Variants in ATP11B observed in about 807,000 individuals in gnomAD.
The protein encoded by ATP11B is phospholipid-transporting ATPase IF.
In ATP11B, 81 loss-of-function variants were observed where a neutral mutation model predicts 157.8. The ratio of observed to expected loss-of-function variants is 0.51; its 90% CI spans 0.43 to 0.62. ATP11B has a LOEUF of 0.62. ATP11B is among the 20% of genes least tolerant of loss of function. The pLI is 0.00. For synonymous variants in ATP11B, 451 were observed against 469.4 expected (o/e 0.96, Z 0.51); for missense variants, 1,165 against 1,402.2 (o/e 0.83, Z 2.70).
At chr3:182,851,811 A>G (rs1384000695) in intron 10 of ATP11B, among the ~76,000 whole-genome samples, 1 of 152,242 alleles carries the variant, frequency 6.6e-6, no homozygotes, top group Admixed American at 6.5e-5. Context: ...CAAAAATTAC[A>G]TGAGATATAA....
chr3:182,816,120 C>T (rs1355674080), intron 1 of ATP11B, among the ~76,000 whole-genome samples: 1 of 151,678 alleles, frequency 6.6e-6, no homozygotes, highest in Non-Finnish European at 1.5e-5. Flanking sequence ...GTACCTATGG[C>T]TTTAACATAT....
At chr3:182,814,912 T>C (rs538154004) in intron 1 of ATP11B, among the ~76,000 whole-genome samples, 3 of 151,810 alleles carry the variant, frequency 2.0e-5, no homozygotes, top group African/African-American at 7.3e-5. Flanking sequence ...TTGGTGGGAG[T>C]AGTACATAAC....
intron 28 of ATP11B, among the ~76,000 whole-genome samples, chr3:182,905,554 C>G (rs1724284934): frequency 6.6e-6 from 1 of 152,156 alleles, no homozygotes; most frequent in Non-Finnish European, 1.5e-5. Flanking sequence ...TTTAACTTAG[C>G]TGTAATATAT....
In ATP11B at chr3:182,918,319, A is replaced by T. The variant is rs1302155142; in HGVS notation, c.*215A>T. On this transcript the variant is annotated 3_prime_UTR_variant, in exon 30 of 30. Coordinates refer to ENST00000323116, the MANE Select transcript of ATP11B (RefSeq NM_014616.3). Reference sequence around the variant, plus strand: ...GAATCTGAACATGTTAAAATTTGAGAATAAAGAGACATTTTTCATCTCTTT... The same window carrying T: ...GAATCTGAACATGTTAAAATTTGAGTATAAAGAGACATTTTTCATCTCTTT... 1.8e-6 allele frequency: 1 copy of T among 558,110 alleles called. No homozygotes were observed. The highest frequency in any genetic ancestry group is 4.0e-5 in the Admixed American group (1 of 25,218). The allele number at this position is 558,110 out of a possible 1,614,324, so 34.6% of individuals were successfully genotyped here.
chr3:182,845,149 C>T (rs1411140164), intron 8 of ATP11B, among the ~76,000 whole-genome samples: 2 of 152,136 alleles, frequency 1.3e-5, no homozygotes, highest in Non-Finnish European at 1.5e-5. Flanking sequence ...GGACTACAGG[C>T]GCATGCCGCC....
At position 182,879,666 on chromosome 3, in the gene ATP11B, T is replaced by TA; in HGVS notation, c.2406+23dup. 3.8e-6 allele frequency: 6 copies of TA among 1,585,288 alleles called. No individual in the cohort carries two copies. The highest frequency in any genetic ancestry group is 2.4e-5 in the South Asian group (2 of 85,078). ...AAAGCAAAAGTATGTATATATGTTA[T>TA]AAAAAAGTCCCATAAAGCTATTTAG... On this transcript the variant is annotated intron_variant, in intron 20 of 29. Transcript: ENST00000323116.
At position 182,870,551 on chromosome 3, in the gene ATP11B, CAGTA is replaced by C. The variant is rs758856429; in HGVS notation, c.1866+1225_1866+1228del. On this transcript the variant is annotated intron_variant, in intron 17 of 29. Transcript: ENST00000323116. ...ATAATGCTGGCACATAGTTTGTGCTCAGTAAGTATTTGTTATAGAATGAATTAAT... is the reference window on the plus strand; with the variant it reads ...ATAATGCTGGCACATAGTTTGTGCTCAGTATTTGTTATAGAATGAATTAAT... Among the ~76,000 whole-genome samples the C allele has an allele frequency of 2.6e-4, 40 of 152,154 alleles. No homozygotes were observed. The East Asian group carries it at 4.2e-3, about 16-fold the overall frequency.
intron 28 of ATP11B, among the ~76,000 whole-genome samples, chr3:182,902,325 C>T (rs1357392487): frequency 6.6e-6 from 1 of 152,098 alleles, no homozygotes; most frequent in Admixed American, 6.5e-5. Context: ...AGCCAACAGC[C>T]CTACAAATGT....
rs1019680324 is a variant in ATP11B, at chr3:182,919,050, G to C, written c.*946G>C. ...GTTTAACTATATCAATAAAAAGTTT[G>C]GACAGTATTTAAATATTGCAAATAT... On this transcript the variant is annotated 3_prime_UTR_variant, in exon 30 of 30. Transcript: ENST00000323116. 2 of 151,964 alleles carry C rather than the reference G, an allele frequency of 1.3e-5. No individual in the cohort carries two copies. Among genetic ancestry groups the C allele is most frequent in the Non-Finnish European group, 2.9e-5 (2 of 67,956 alleles). 9.4% of individuals were successfully genotyped at this position (151,964 alleles called of 1,614,324 possible). A position where few individuals can be genotyped will look rare whatever the true frequency, so the allele number is the denominator to read the frequency against.
intron 4 of ATP11B, among the ~76,000 whole-genome samples, chr3:182,831,895 T>A (rs1401240138): frequency 6.6e-6 from 1 of 152,214 alleles, no homozygotes; most frequent in African/African-American, 2.4e-5. Flanking sequence ...TTATTCTATA[T>A]ACCTGCTTAT....
At chr3:182,866,146 C>G (rs1457466934) in intron 13 of ATP11B, 122 bp from the exon 14 acceptor site, 1 of 700,240 alleles carries the variant, frequency 1.4e-6, no homozygotes, top group Non-Finnish European at 2.2e-6. Context: ...AAACAACCAA[C>G]TGTTATTCAG....
chr3:182,886,252 A>T (rs1306539052), intron 23 of ATP11B, among the ~76,000 whole-genome samples: 1 of 152,162 alleles, frequency 6.6e-6, no homozygotes, highest in Non-Finnish European at 1.5e-5. Flanking sequence ...TTAAAAATAG[A>T]TAATAACCCT....
intron 29 of ATP11B, chr3:182,914,914 G>A (rs1725041254): frequency 1.0e-6 from 1 of 985,186 alleles, no homozygotes; most frequent in Admixed American, 6.2e-5. Flanking sequence ...TATGCATGGA[G>A]GTACAAATGG....
At chr3:182,831,439 T>C (rs1718132425) in intron 4 of ATP11B, among the ~76,000 whole-genome samples, 1 of 152,158 alleles carries the variant, frequency 6.6e-6, no homozygotes, top group Non-Finnish European at 1.5e-5. Context: ...TAAAATCAGA[T>C]CACACTACCC....
At chr3:182,917,476 A>G (rs915674040) in intron 29 of ATP11B, 4 of 985,274 alleles carry the variant, frequency 4.1e-6, no homozygotes, top group Non-Finnish European at 1.2e-6. Context: ...GTTTGTCCTT[A>G]TTAAGTGAAA....
At chr3:182,879,054 C>T (rs1481365897) in intron 19 of ATP11B, among the ~76,000 whole-genome samples, 2 of 152,242 alleles carry the variant, frequency 1.3e-5, no homozygotes, top group Admixed American at 6.5e-5. Flanking sequence ...AGGCAGATCG[C>T]TTGAGGTCAG....
chr3:182,804,238 CT>C (rs1397039202), intron 1 of ATP11B, among the ~76,000 whole-genome samples: 16 of 148,524 alleles, frequency 1.1e-4, no homozygotes, highest in Admixed American at 3.4e-4. Flanking sequence ...ATTTAGATTT[CT>C]TTTTTTTTTC....
intron 1 of ATP11B, among the ~76,000 whole-genome samples, chr3:182,794,985 G>A (rs865790779): frequency 4.6e-5 from 7 of 151,268 alleles, no homozygotes; most frequent in Non-Finnish European, 1.5e-5. Context: ...GAAGTGTGGT[G>A]TTTCAGAGCC....
intron 12 of ATP11B, among the ~76,000 whole-genome samples, chr3:182,864,703 GT>G (rs1721097322): frequency 6.6e-6 from 1 of 151,768 alleles, no homozygotes; most frequent in African/African-American, 2.4e-5. Context: ...TTCTTTTCTT[GT>G]GATTTCTACA....
Sources: gnomAD v4.1 joint callset for allele counts (sites outside exome capture counted in the v4.1 genomes callset) on GRCh38, gnomAD v4.1.1 for gene constraint, MANE v1.5 for transcripts, NCBI Gene and HGNC (gene_info 2026-07-23, HGNC 2026-07-21) for gene names.